Variants in DLGAP1 observed in about 807,000 individuals in gnomAD.
DLGAP1 encodes the protein DLG associated protein 1, also known as disks large-associated protein 1.
A neutral mutation model predicts 90.8 loss-of-function variants in DLGAP1; 11 were observed. That is an observed-to-expected ratio of 0.12 (90% CI 0.08 to 0.20). The LOEUF is 0.20. Among genes scored for constraint, DLGAP1 ranks in the 10% least tolerant of loss-of-function variants. The pLI is 1.00. For synonymous variants in DLGAP1, 558 were observed against 540.7 expected, an observed-to-expected ratio of 1.03 and a Z score of -0.44; for missense variants, 1,050 against 1,333.8, an observed-to-expected ratio of 0.79 and a Z score of 3.31.
At chr18:4,354,624 A>G (rs951893542) in intron 1 of DLGAP1, among the ~76,000 whole-genome samples, 4 of 152,030 alleles carry the variant, frequency 2.6e-5, no homozygotes, top group Admixed American at 2.6e-4. Flanking sequence ...GCCTTTTGTT[A>G]TAGGGGTGTC....
chr18:4,255,178 C>A (rs1053794883), intron 1 of DLGAP1, among the ~76,000 whole-genome samples: 10 of 152,156 alleles, frequency 6.6e-5, no homozygotes, highest in Non-Finnish European at 1.2e-4. Context: ...CAGTCAAGTT[C>A]ATCTATCCTT....
chr18:3,564,204 G>T (rs2054306722), intron 9 of DLGAP1, among the ~76,000 whole-genome samples: 1 of 152,220 alleles, frequency 6.6e-6, no homozygotes, highest in Non-Finnish European at 1.5e-5. Context: ...GTACTGGTAA[G>T]GTGTGTGTGA....
intron 3 of DLGAP1, among the ~76,000 whole-genome samples, chr18:3,900,909 C>T (rs1233612901): frequency 6.6e-6 from 1 of 152,168 alleles, no homozygotes; most frequent in Non-Finnish European, 1.5e-5. Flanking sequence ...TCTCCCATCT[C>T]CCCCTCGACC....
At chr18:3,902,314 C>T (rs939327546) in intron 3 of DLGAP1, among the ~76,000 whole-genome samples, 19 of 152,176 alleles carry the variant, frequency 1.2e-4, no homozygotes, top group African/African-American at 3.6e-4. Context: ...GAAGTAATAT[C>T]GAGTTGCTTT....
chr18:3,786,406 C>A (rs569875466), intron 5 of DLGAP1, among the ~76,000 whole-genome samples: 1 of 152,114 alleles, frequency 6.6e-6, no homozygotes, highest in Non-Finnish European at 1.5e-5. Context: ...TAGAAATAAA[C>A]CTGTTAAAAT....
At chr18:3,961,300 A>G (rs1411755586) in intron 3 of DLGAP1, among the ~76,000 whole-genome samples, 1 of 152,162 alleles carries the variant, frequency 6.6e-6, no homozygotes, top group Non-Finnish European at 1.5e-5. Flanking sequence ...GAAACCTCCA[A>G]CACTTCAAAA....
intron 4 of DLGAP1, among the ~76,000 whole-genome samples, chr18:3,863,456 T>C (rs577889813): frequency 1.3e-5 from 2 of 152,312 alleles, no homozygotes; most frequent in East Asian, 1.9e-4. Context: ...GGAGATAAAG[T>C]TAAGTTTTGG....
At chr18:4,361,963 C>T (rs1325113082) in intron 1 of DLGAP1, among the ~76,000 whole-genome samples, 1 of 151,940 alleles carries the variant, frequency 6.6e-6, no homozygotes, top group Non-Finnish European at 1.5e-5. Flanking sequence ...ATACGCATGG[C>T]CAAAAGGCAC....
chr18:4,002,493 AC>A (rs1289545391), intron 3 of DLGAP1, among the ~76,000 whole-genome samples: 2 of 52,744 alleles, frequency 3.8e-5, no homozygotes, highest in African/African-American at 1.1e-4. Context: ...ATGATGACCC[AC>A]TCCACTTCCA....
intron 1 of DLGAP1, among the ~76,000 whole-genome samples, chr18:4,316,532 T>TG (rs2143531651): frequency 6.6e-6 from 1 of 152,254 alleles, no homozygotes; most frequent in Non-Finnish European, 1.5e-5. Flanking sequence ...TCCTCTCCTA[T>TG]GGCTCCACGT....
intron 5 of DLGAP1, among the ~76,000 whole-genome samples, chr18:3,748,838 C>T (rs910840593): frequency 1.3e-5 from 2 of 152,136 alleles, no homozygotes; most frequent in African/African-American, 2.4e-5. Context: ...TTTGGTAAAA[C>T]GAAGCCTTTC....
At chr18:3,570,805 G>C (rs1345617977) in intron 8 of DLGAP1, among the ~76,000 whole-genome samples, 1 of 151,588 alleles carries the variant, frequency 6.6e-6, no homozygotes, top group Non-Finnish European at 1.5e-5. Flanking sequence ...AGTGGCATGC[G>C]CCTGTACTCC....
intron 9 of DLGAP1, among the ~76,000 whole-genome samples, chr18:3,546,793 C>T (rs1461567789): frequency 6.6e-6 from 1 of 152,070 alleles, no homozygotes; most frequent in Admixed American, 6.6e-5. Context: ...CAATGCTCAG[C>T]TTCCACCTTA....
intron 9 of DLGAP1, among the ~76,000 whole-genome samples, chr18:3,564,799 T>C (rs751517787): frequency 1.8e-4 from 27 of 152,338 alleles, no homozygotes; most frequent in Non-Finnish European, 3.2e-4. Context: ...AAGTTGTAAG[T>C]CTCTGTATCT....
intron 7 of DLGAP1, among the ~76,000 whole-genome samples, chr18:3,628,321 G>A (rs898782613): frequency 1.3e-5 from 2 of 151,582 alleles, no homozygotes; most frequent in Admixed American, 1.3e-4. Flanking sequence ...TCCCAAGTAG[G>A]TGGGATTATA....
At chr18:3,781,468 T>G (rs1238575722) in intron 5 of DLGAP1, among the ~76,000 whole-genome samples, 2 of 151,978 alleles carry the variant, frequency 1.3e-5, no homozygotes, top group African/African-American at 4.8e-5. Flanking sequence ...TTCTCCTGCC[T>G]CAGCCTCCCG....
At chr18:4,259,213 C>T (rs756383484) in intron 1 of DLGAP1, among the ~76,000 whole-genome samples, 25 of 151,932 alleles carry the variant, frequency 1.6e-4, no homozygotes, top group Admixed American at 7.9e-4. Context: ...CTAGAGACAG[C>T]GGAGGTGAAA....
At chr18:4,047,379 G>A (rs1319112479) in intron 2 of DLGAP1, among the ~76,000 whole-genome samples, 2 of 152,224 alleles carry the variant, frequency 1.3e-5, no homozygotes, top group Non-Finnish European at 2.9e-5. Flanking sequence ...TAAATGTAAT[G>A]AGACTTAGTT....
chr18:3,952,393 G>A (rs1387071962), intron 3 of DLGAP1, among the ~76,000 whole-genome samples: 1 of 152,194 alleles, frequency 6.6e-6, no homozygotes, highest in African/African-American at 2.4e-5. Flanking sequence ...CACTGAGGAC[G>A]AAGGCTGTTT....
Sources: gnomAD v4.1 joint callset for allele counts (sites outside exome capture counted in the v4.1 genomes callset) on GRCh38, gnomAD v4.1.1 for gene constraint, MANE v1.5 for transcripts, NCBI Gene and HGNC (gene_info 2026-07-23, HGNC 2026-07-21) for gene names.